Variants in CTNNA1 observed in about 807,000 individuals in gnomAD.
CTNNA1 encodes the protein catenin alpha 1.
A neutral mutation model predicts 98.4 loss-of-function variants in CTNNA1; 37 were observed. The ratio of observed to expected loss-of-function variants is 0.38; its 90% confidence interval spans 0.29 to 0.49. The LOEUF is 0.49. Among genes scored for constraint, CTNNA1 ranks in the 20% least tolerant of loss-of-function variants. The probability of loss-of-function intolerance (pLI) is 0.95; values close to 1 mark genes in which losing one functional copy is unlikely to be tolerated. For missense variants in CTNNA1, 761 were observed against 1,147.2 expected, an observed-to-expected ratio of 0.66 and a Z score of 4.86; for synonymous variants, 404 against 413.2, an observed-to-expected ratio of 0.98 and a Z score of 0.27.
At chr5:138,866,379 A>G (rs1005312981) in intron 7 of CTNNA1, among the ~76,000 whole-genome samples, 6 of 151,566 alleles carry the variant, frequency 4.0e-5, no homozygotes, top group Admixed American at 2.0e-4. Flanking sequence ...TCTAAACACA[A>G]TTGTCAATAG....
chr5:138,853,820 C>T lies in CTNNA1; in HGVS notation c.1062+26102C>T, dbSNP rs199880197. Among the ~76,000 whole-genome samples, 3 of 152,356 alleles carry T rather than the reference C, an allele frequency of 2.0e-5. No homozygotes were observed. In the East Asian group the frequency reaches 5.8e-4, roughly 29 times the overall value. The stretch of plus-strand genomic sequence containing the variant: ...TGGTGTTTCTAGGGAAGAACCTTCA[C>T]ATTTCAAATGAGGGTTTGAAATAAA... On this transcript the variant is annotated intron_variant, in intron 7 of 17. Transcript: ENST00000302763.
rs529060885 is a variant in CTNNA1 at position 138,778,599 on chromosome 5, G to C, written c.-2-3324G>C. Among the ~76,000 whole-genome samples, 14 of 152,198 alleles carry C rather than the reference G, an allele frequency of 9.2e-5. No individual in the cohort carries two copies. In the South Asian group the frequency reaches 2.9e-3, roughly 32 times the overall value. The stretch of plus-strand genomic sequence containing the variant: ...GGGAGTTACTATGACACTAGATCAC[G>C]CTACTGAGAAACTGAATGCTAATCT... On this transcript the variant is annotated intron_variant, in intron 1 of 17. Coordinates refer to ENST00000302763, the MANE Select transcript of CTNNA1 (RefSeq NM_001903.5).
At position 138,781,881 on chromosome 5, in the gene CTNNA1, G is replaced by A. The variant is rs912831984; in HGVS notation, c.-2-42G>A. Reference sequence around the variant, plus strand: ...AAGATTTGTTACATATTTCATGTTTGTGTTTGATGTTTGCCTGACTGACTT... The same window carrying A: ...AAGATTTGTTACATATTTCATGTTTATGTTTGATGTTTGCCTGACTGACTT... On this transcript the variant is annotated intron_variant, in intron 1 of 17. Transcript: ENST00000302763. 2.6e-6 allele frequency: 4 copies of A among 1,527,248 alleles called. No homozygotes were observed. The Middle Eastern group carries it at 5.2e-4, about 200-fold the overall frequency. The allele number at this position is 1,527,248 out of a possible 1,614,324, so 94.6% of individuals were successfully genotyped here. A position where few individuals can be genotyped will look rare whatever the true frequency, so the allele number is the denominator to read the frequency against.
At chr5:138,897,875 A>G (rs1423902092) in intron 9 of CTNNA1, among the ~76,000 whole-genome samples, 1 of 152,232 alleles carries the variant, frequency 6.6e-6, no homozygotes, top group East Asian at 1.9e-4. Context: ...CTCAAGGGGC[A>G]TCAGGATTCT....
At position 138,924,739 on chromosome 5, in the gene CTNNA1, G is replaced by A. The variant is rs756922118; in HGVS notation, c.1747+29G>A. 2.5e-5 allele frequency: 39 copies of A among 1,536,558 alleles called. No homozygotes were observed. The East Asian group carries it at 7.3e-4, about 29-fold the overall frequency. On this transcript the variant is annotated intron_variant, in intron 12 of 17. Coordinates refer to ENST00000302763, the MANE Select transcript of CTNNA1 (RefSeq NM_001903.5). ...CGGGAACTCTCCCTTTCCAGTGCTC[G>A]CACACACCGCAGCCTCAGTGAGGCA...
intron 13 of CTNNA1, among the ~76,000 whole-genome samples, chr5:138,925,975 G>A (rs887463123): frequency 3.9e-5 from 6 of 152,130 alleles, no homozygotes; most frequent in Admixed American, 1.3e-4. Context: ...TTGAGCTCCC[G>A]GCATACCGTC....
intron 10 of CTNNA1, among the ~76,000 whole-genome samples, chr5:138,916,662 A>G (rs1761850672): frequency 6.6e-6 from 1 of 152,092 alleles, no homozygotes; most frequent in Non-Finnish European, 1.5e-5. Flanking sequence ...AGCTGGGACT[A>G]CAGGTGTGTG....
chr5:138,774,114 C>T (rs1203081005), intron 1 of CTNNA1, among the ~76,000 whole-genome samples: 1 of 152,164 alleles, frequency 6.6e-6, no homozygotes, highest in Non-Finnish European at 1.5e-5. Flanking sequence ...AGATCCCGAC[C>T]TCAGGTGATC....
At chr5:138,930,759 A>G in intron 15 of CTNNA1, 71 bp from the exon 16 acceptor site, 2 of 1,531,956 alleles carry the variant, frequency 1.3e-6, no homozygotes, top group Non-Finnish European at 1.8e-6. Context: ...CTTTGTGGAC[A>G]ATCTTCTTTT....
intron 6 of CTNNA1, among the ~76,000 whole-genome samples, chr5:138,825,751 T>C (rs1266878869): frequency 6.6e-6 from 1 of 152,136 alleles, no homozygotes; most frequent in African/African-American, 2.4e-5. Context: ...TAAGACTTTT[T>C]CATAAAGCAA....
rs781450977 is a variant in CTNNA1 at position 138,933,861 on chromosome 5, G to C, written c.2493G>C (p.Gln831His). ...AAKNLMNAVV[Q>H]TVKASYVAST... ...AGAACTTGATGAATGCTGTGGTGCA[G>C]ACAGTGAAGGCATCCTACGTCGCCT... The change falls in exon 18 of 18, where the codon CAG becomes CAC. Residue 831 changes from glutamine to histidine, a missense_variant. Physicochemically the swap from Gln to His is conservative, Grantham distance 24. Transcript: ENST00000302763. 104 of 1,614,186 alleles carry C rather than the reference G, an allele frequency of 6.4e-5. 1 individual carries two copies. Among genetic ancestry groups the C allele is most frequent in the Non-Finnish European group, 8.2e-5 (97 of 1,180,034 alleles).
At chr5:138,857,443 C>T (rs1763827157) in intron 7 of CTNNA1, among the ~76,000 whole-genome samples, 1 of 152,046 alleles carries the variant, frequency 6.6e-6, no homozygotes. Context: ...TCCTTTTGTA[C>T]CAAGCTCAAA....
chr5:138,916,144 A>G (rs911114494), intron 10 of CTNNA1, among the ~76,000 whole-genome samples: 4 of 150,766 alleles, frequency 2.7e-5, no homozygotes, highest in African/African-American at 9.9e-5. Context: ...AGAATAGACA[A>G]ATCCATAGAG....
intron 5 of CTNNA1, among the ~76,000 whole-genome samples, chr5:138,815,186 C>T (rs975532564): frequency 6.6e-6 from 1 of 151,840 alleles, no homozygotes; most frequent in Admixed American, 6.6e-5. Context: ...GTGAAGAGTT[C>T]CTTGAACATA....
intron 7 of CTNNA1, among the ~76,000 whole-genome samples, chr5:138,840,171 CAG>C (rs952009182): frequency 9.2e-5 from 14 of 152,132 alleles, no homozygotes; most frequent in African/African-American, 3.4e-4. Flanking sequence ...AACAAAAGAA[CAG>C]AAAATAAAGT....
chr5:138,767,298 A>T (rs1319477179), intron 1 of CTNNA1, among the ~76,000 whole-genome samples: 1 of 152,156 alleles, frequency 6.6e-6, no homozygotes, highest in Non-Finnish European at 1.5e-5. Context: ...GGACTCCCAA[A>T]GTGCTGGGAT....
intron 9 of CTNNA1, among the ~76,000 whole-genome samples, chr5:138,893,607 T>C (rs1486409039): frequency 3.3e-5 from 5 of 151,650 alleles, no homozygotes; most frequent in Admixed American, 6.6e-5. Context: ...TTTTTTCTTA[T>C]TTAATTATTT....
At chr5:138,760,337 T>C (rs1469947617) in intron 1 of CTNNA1, among the ~76,000 whole-genome samples, 6 of 150,302 alleles carry the variant, frequency 4.0e-5, no homozygotes, top group African/African-American at 1.5e-4. Flanking sequence ...CCATTTATTG[T>C]ATGTATATGC....
At chr5:138,932,835 G>GTC (rs1765661813) in intron 17 of CTNNA1, 123 bp downstream of exon 17, 10 of 1,251,532 alleles carry the variant, frequency 8.0e-6, no homozygotes. Context: ...GAAACTCCAA[G>GTC]TCCTGTCCCA....
Sources: allele counts gnomAD v4.1 joint callset (sites outside exome capture counted in the v4.1 genomes callset), GRCh38; gene constraint gnomAD v4.1.1; transcripts MANE v1.5; gene names NCBI Gene and HGNC (gene_info 2026-07-23, HGNC 2026-07-21).